Variants in MSH6 observed in about 807,000 individuals in gnomAD.
MSH6 encodes the protein DNA mismatch repair protein Msh6.
MSH6 carries 85 observed loss-of-function variants against 119.1 expected under a neutral mutation model. The observed-to-expected ratio is 0.71, with a 90% confidence interval of 0.60 to 0.85. MSH6 has a LOEUF of 0.85. Ranked by LOEUF, MSH6 falls within the 40% of genes least tolerant of loss-of-function variation. The probability of loss-of-function intolerance (pLI) is 0.00; values close to 1 mark genes in which losing one functional copy is unlikely to be tolerated. For missense variants in MSH6, 2,163 were observed against 1,655.3 expected (o/e 1.31, Z -5.32); for synonymous variants, 830 against 586.9 (o/e 1.41, Z -5.99).
downstream of MSH6, chr2:47,809,914 G>A (rs553695988): frequency 4.1e-5 from 22 of 538,138 alleles, no homozygotes; most frequent in Admixed American, 2.9e-4. Flanking sequence ...ATTAACTTTC[G>A]CACCAACCTA....
intron 2 of MSH6, among the ~76,000 whole-genome samples, chr2:47,793,401 G>A (rs191923251): frequency 9.3e-5 from 14 of 149,914 alleles, no homozygotes; most frequent in Admixed American, 1.3e-4. Context: ...AGGCCCAGGC[G>A]GGTGGATCAC....
chr2:47,792,459 C>G (rs891674235), intron 2 of MSH6, among the ~76,000 whole-genome samples: 3 of 152,196 alleles, frequency 2.0e-5, no homozygotes, highest in Non-Finnish European at 4.4e-5. Context: ...TTTGTTCTCT[C>G]TTCTACCAAC....
chr2:47,789,932 G>C (rs1668629711), intron 1 of MSH6, among the ~76,000 whole-genome samples: 1 of 151,748 alleles, frequency 6.6e-6, no homozygotes, highest in African/African-American at 2.4e-5. Flanking sequence ...AAGCTGTCCT[G>C]CCTCGGCCTC....
chr2:47,807,923 A>C (rs942110474), downstream of MSH6: 6 of 544,890 alleles, frequency 1.1e-5, no homozygotes, highest in African/African-American at 1.1e-4. Context: ...TAAAACACCC[A>C]GCTTTGAGAT....
chr2:47,789,493 T>A, intron 1 of MSH6: 1 of 446,012 alleles, frequency 2.2e-6, no homozygotes, highest in South Asian at 1.7e-5. Flanking sequence ...AGAAATGAAA[T>A]AATTCTTTTC....
rs1055190211 is a variant in MSH6 at position 47,800,176 on chromosome 2, A to G, written c.2193A>G (p.Gln731=). The G allele has an allele frequency of 1.9e-6, 3 of 1,614,228 alleles. 1 individual carries two copies. Among genetic ancestry groups the G allele is most frequent in the Middle Eastern group, 3.3e-4 (2 of 6,062 alleles). Residue 731 remains glutamine (Q), a synonymous_variant, in exon 4 of 10, where the codon CAA becomes CAG. Transcript: ENST00000234420. ...GTGCTATCTTCACCAAAGCCTATCA[A>G]CGAATGGTGCTAGATGCAGTGACAT... ...RSGAIFTKAY[Q]RMVLDAVTLN...
At chr2:47,806,684 A>G in intron 9 of MSH6, 33 bp downstream of exon 9, 1 of 1,589,660 alleles carries the variant, frequency 6.3e-7, no homozygotes, top group South Asian at 1.1e-5. Flanking sequence ...ATTATAACTA[A>G]CTGACCTTAA....
downstream of MSH6, chr2:47,809,289 TAAA>T (rs758853737): frequency 2.1e-6 from 3 of 1,413,032 alleles, no homozygotes; most frequent in South Asian, 2.5e-5. Context: ...AAAGAATAAG[TAAA>T]AATTCAGAGG....
intron 3 of MSH6, among the ~76,000 whole-genome samples, chr2:47,797,137 A>G (rs1220444793): frequency 6.6e-6 from 1 of 152,242 alleles, no homozygotes; most frequent in East Asian, 1.9e-4. Context: ...CTCATCAGCT[A>G]TCATTAGCAT....
chr2:47,802,180 C>G (rs1202574059), intron 4 of MSH6, among the ~76,000 whole-genome samples: 1 of 152,080 alleles, frequency 6.6e-6, no homozygotes, highest in South Asian at 2.1e-4. Flanking sequence ...GCCAAATTGT[C>G]AAAGATTCTT....
intron 5 of MSH6, among the ~76,000 whole-genome samples, chr2:47,804,701 A>G (rs751320436): frequency 1.1e-4 from 17 of 152,158 alleles, no homozygotes; most frequent in Non-Finnish European, 1.8e-4. Flanking sequence ...TGATGTTTTA[A>G]AGGCCAGGTG....
At chr2:47,808,095 G>T, downstream of MSH6, 2 of 1,586,514 alleles carry the variant, frequency 1.3e-6, no homozygotes, top group African/African-American at 1.3e-5. Flanking sequence ...ACAATGGCAG[G>T]ACTTTTTCTT....
downstream of MSH6, chr2:47,808,124 G>T: frequency 6.2e-7 from 1 of 1,608,632 alleles, no homozygotes. Flanking sequence ...GAATTCAGTT[G>T]TGCTGCAATG....
chr2:47,789,565 C>T (rs531665796), intron 1 of MSH6: 7 of 338,020 alleles, frequency 2.1e-5, no homozygotes, highest in Middle Eastern at 9.1e-4. Context: ...CTGTATTTTA[C>T]ACATGACAAA....
intron 1 of MSH6, 149 bp downstream of exon 1, chr2:47,783,642 G>A: frequency 1.3e-6 from 1 of 773,766 alleles, no homozygotes; most frequent in South Asian, 2.4e-5. Flanking sequence ...GCTTGAATGA[G>A]TGCAGGGGTC....
At chr2:47,791,458 C>T (rs1668725617) in intron 2 of MSH6, among the ~76,000 whole-genome samples, 1 of 151,998 alleles carries the variant, frequency 6.6e-6, no homozygotes, top group South Asian at 2.1e-4. Context: ...CTATAGATAG[C>T]GACATTCTCT....
downstream of MSH6, chr2:47,808,486 A>G: frequency 1.4e-6 from 2 of 1,426,894 alleles, no homozygotes; most frequent in South Asian, 2.7e-5. Context: ...AAAACATTCC[A>G]TTCTGTTTAT....
At chr2:47,808,648 A>G (rs1429113807), downstream of MSH6, 3 of 456,538 alleles carry the variant, frequency 6.6e-6, no homozygotes, top group African/African-American at 2.0e-5. Flanking sequence ...TAAATTGTAT[A>G]AAGGCAGTTC....
chr2:47,793,360 TG>T (rs1558654290), intron 2 of MSH6, among the ~76,000 whole-genome samples: 2 of 115,284 alleles, frequency 1.7e-5, no homozygotes, highest in African/African-American at 3.3e-5. Flanking sequence ...CTGGGCACGG[TG>T]GCTCGCGCCT....
Sources: gnomAD v4.1 joint callset for allele counts (sites outside exome capture counted in the v4.1 genomes callset) on GRCh38, gnomAD v4.1.1 for gene constraint, MANE v1.5 for transcripts, NCBI Gene and HGNC (gene_info 2026-07-23, HGNC 2026-07-21) for gene names.